The following COL11A1 variants were observed in gnomAD, a reference collection of about 807,000 sequenced individuals.
The protein encoded by COL11A1 is collagen alpha-1(XI) chain.
In COL11A1, 74 loss-of-function variants were observed where a neutral mutation model predicts 265.2. That is an observed-to-expected ratio of 0.28 (90% CI 0.23 to 0.34). The LOEUF is 0.34. Among genes scored for constraint, COL11A1 ranks in the 10% least tolerant of loss-of-function variants. The probability of loss-of-function intolerance (pLI) is 1.00; values close to 1 mark genes in which losing one functional copy is unlikely to be tolerated. For synonymous variants in COL11A1, 816 were observed against 727.6 expected (o/e 1.12, Z -1.96); for missense variants, 2,165 against 2,263.6 (o/e 0.96, Z 0.88).
At chr1:103,011,394 CAT>C (rs1393979691) in intron 14 of COL11A1, among the ~76,000 whole-genome samples, 1 of 151,812 alleles carries the variant, frequency 6.6e-6, no homozygotes, top group East Asian at 1.9e-4. Context: ...TTCTATGAAA[CAT>C]AGTATCAGAA....
At chr1:102,999,710 G>A (rs892983049) in intron 24 of COL11A1, among the ~76,000 whole-genome samples, 2 of 151,716 alleles carry the variant, frequency 1.3e-5, no homozygotes, top group Admixed American at 6.6e-5. Context: ...AAAAACATAT[G>A]ACATTAGTTA....
intron 4 of COL11A1, among the ~76,000 whole-genome samples, chr1:103,032,283 G>A (rs573896207): frequency 6.6e-6 from 1 of 152,002 alleles, no homozygotes; most frequent in Admixed American, 6.6e-5. Flanking sequence ...GGATTATTTA[G>A]AACTTGATAA....
chr1:102,959,378 C>T (rs1660669273), intron 41 of COL11A1, among the ~76,000 whole-genome samples: 1 of 151,016 alleles, frequency 6.6e-6, no homozygotes, highest in South Asian at 2.1e-4. Context: ...ACTAATTAAA[C>T]ATCACATCTC....
chr1:102,999,436 T>C (rs933864233), intron 24 of COL11A1, among the ~76,000 whole-genome samples: 2 of 151,944 alleles, frequency 1.3e-5, no homozygotes, highest in African/African-American at 2.4e-5. Flanking sequence ...GTCTTGTTAT[T>C]TTATACTGGA....
At chr1:103,020,807 T>C (rs1258325765) in intron 9 of COL11A1, among the ~76,000 whole-genome samples, 1 of 134,666 alleles carries the variant, frequency 7.4e-6, no homozygotes, top group African/African-American at 2.7e-5. Flanking sequence ...TTTCTATATA[T>C]GGCTAGCCAG....
chr1:103,018,585 T>TTAGAAGATGCAGAGGTATC (rs1666747827), intron 10 of COL11A1, among the ~76,000 whole-genome samples: 1 of 152,142 alleles, frequency 6.6e-6, no homozygotes, highest in Non-Finnish European at 1.5e-5. Context: ...GAAAATGAGT[T>TTAGAAGATGCAGAGGTATC]TAGAAGATGC....
At chr1:103,087,893 T>C (rs1171126380) in intron 1 of COL11A1, among the ~76,000 whole-genome samples, 4 of 152,186 alleles carry the variant, frequency 2.6e-5, no homozygotes, top group Non-Finnish European at 5.9e-5. Context: ...AAAATGTTGG[T>C]TGAATGTGAA....
At chr1:103,001,770 C>T (rs1050642718) in intron 24 of COL11A1, 155 bp downstream of exon 24, 1 of 685,626 alleles carries the variant, frequency 1.5e-6, no homozygotes, top group African/African-American at 1.8e-5. Flanking sequence ...ATGAAATCTC[C>T]CCACACTATA....
At position 102,989,502 on chromosome 1, in the gene COL11A1, T is replaced by G. The variant is rs1004192860; in HGVS notation, c.2394+16A>C. The G allele has an allele frequency of 6.3e-7, 1 of 1,586,958 alleles. No homozygotes were observed. The highest frequency in any genetic ancestry group is 2.2e-5 in the East Asian group (1 of 44,576). Reference sequence around the variant, plus strand: ...ATTAAATTTTGTGTACTGGTGTACATTTTCTCTATACTTACTCTGTCACCT... The same window carrying G: ...ATTAAATTTTGTGTACTGGTGTACAGTTTCTCTATACTTACTCTGTCACCT... On this transcript the variant is annotated intron_variant, in intron 29 of 66. Coordinates refer to ENST00000370096, the MANE Select transcript of COL11A1 (RefSeq NM_001854.4).
rs185578236 is a variant in COL11A1, at chr1:102,877,667, G to C, written c.*352C>G. On this transcript the variant is annotated 3_prime_UTR_variant, in exon 67 of 67. Transcript: ENST00000370096. ...ACAATTTATTAAACACACTGTTTTA[G>C]TACATCCTGGATGGATGAGAATGAG... 20 of 233,154 alleles carry C rather than the reference G, an allele frequency of 8.6e-5. No homozygotes were observed. In the South Asian group the frequency reaches 1.2e-3, roughly 14 times the overall value. 14.4% of individuals were successfully genotyped at this position (233,154 alleles called of 1,614,324 possible). A position where few individuals can be genotyped will look rare whatever the true frequency, so the allele number is the denominator to read the frequency against.
intron 59 of COL11A1, 93 bp from the exon 60 acceptor site, chr1:102,889,012 C>T: frequency 1.7e-6 from 2 of 1,189,960 alleles, no homozygotes; most frequent in Admixed American, 3.5e-5. Context: ...ACAGCATACA[C>T]TGTAAAATTT....
chr1:102,934,408 A>C lies in COL11A1; in HGVS notation c.3600+41T>G, dbSNP rs745955911. ...TCCACCAGAAAACCTGGTGAGAAGT[A>C]GGTAGAAATGATGGAGTAAACAATG... On this transcript the variant is annotated intron_variant, in intron 46 of 66. Coordinates refer to ENST00000370096, the MANE Select transcript of COL11A1 (RefSeq NM_001854.4). 13 of 1,398,238 alleles carry C rather than the reference A, an allele frequency of 9.3e-6. No individual in the cohort carries two copies. The African/African-American group carries it at 1.7e-4, about 18-fold the overall frequency. 86.6% of individuals were successfully genotyped at this position (1,398,238 alleles called of 1,614,324 possible).
intron 24 of COL11A1, among the ~76,000 whole-genome samples, chr1:102,999,783 C>T (rs748720510): frequency 5.9e-5 from 9 of 151,880 alleles, no homozygotes; most frequent in South Asian, 4.1e-4. Flanking sequence ...ACCAAATTTT[C>T]GAAGCGAAGG....
chr1:102,902,319 G>A (rs1570674673), intron 54 of COL11A1, among the ~76,000 whole-genome samples: 1 of 152,100 alleles, frequency 6.6e-6, no homozygotes, highest in African/African-American at 2.4e-5. Context: ...GAAAGGCAGA[G>A]TCTTGGCATA....
intron 41 of COL11A1, among the ~76,000 whole-genome samples, chr1:102,960,414 C>A (rs1441480145): frequency 6.6e-6 from 1 of 151,460 alleles, no homozygotes; most frequent in South Asian, 2.1e-4. Context: ...CAGCCTAATG[C>A]GAGAGACAGC....
intron 4 of COL11A1, among the ~76,000 whole-genome samples, chr1:103,069,603 C>CA (rs1328146865): frequency 1.5e-4 from 23 of 150,384 alleles, no homozygotes; most frequent in Non-Finnish European, 2.8e-4. Flanking sequence ...AATAAGAAAA[C>CA]AAAAAAAAGG....
intron 23 of COL11A1, 91 bp from the exon 24 acceptor site, chr1:103,002,060 A>G (rs1665158690): frequency 9.8e-7 from 1 of 1,018,582 alleles, no homozygotes; most frequent in Non-Finnish European, 1.6e-6. Context: ...TATAGTACAC[A>G]GTGAGTTATA....
chr1:102,934,443 T>A lies in COL11A1; in HGVS notation c.3600+6A>T, dbSNP rs772660632. The stretch of plus-strand genomic sequence containing the variant: ...GATGGAGTAAACAATGACAGGATCA[T>A]CTTACCTGAAGACCTATTGGACCAG... On this transcript the variant is annotated splice_donor_region_variant and intron_variant, in intron 46 of 66. Transcript: ENST00000370096. 8.8e-6 allele frequency: 14 copies of A among 1,591,806 alleles called. No individual in the cohort carries two copies. The highest frequency in any genetic ancestry group is 1.2e-5 in the Non-Finnish European group (14 of 1,159,826).
chr1:103,002,433 G>A lies in COL11A1; in HGVS notation c.2092C>T (p.Pro698Ser). Residue 698 changes from proline to serine, a missense_variant, in exon 23 of 67, where the codon CCT (proline) becomes TCT (serine). Transcript: ENST00000370096. ...CTGCAGTGGCTTAGACTTACCTGAG[G>A]TCCTGGATTCCCTTGTTGACCTGGA... ...GPPGQQGNPG[P>S]QGLPGPQGPI... 2 of 1,608,802 alleles carry A rather than the reference G, an allele frequency of 1.2e-6. No individual in the cohort carries two copies. Among genetic ancestry groups the A allele is most frequent in the Non-Finnish European group, 8.5e-7 (1 of 1,177,554 alleles).
Sources: allele counts gnomAD v4.1 joint callset (sites outside exome capture counted in the v4.1 genomes callset), GRCh38; gene constraint gnomAD v4.1.1; transcripts MANE v1.5; gene names NCBI Gene and HGNC (gene_info 2026-07-23, HGNC 2026-07-21).